COL5A2: variants seen among roughly 807,000 people sequenced by gnomAD.
COL5A2 encodes collagen alpha-2(V) chain.
Under a neutral mutation model 208.2 loss-of-function variants are expected in COL5A2, and 23 were observed. The observed-to-expected ratio is 0.11, with a 90% CI of 0.08 to 0.16. The LOEUF (loss-of-function observed/expected upper bound fraction) is 0.16, where lower values mean the gene tolerates loss of function less well. COL5A2 is among the 10% of genes least tolerant of loss of function. COL5A2 has a pLI of 1.00. For missense variants in COL5A2, 1,590 were observed against 1,956.4 expected, an observed-to-expected ratio of 0.81 and a Z score of 3.53; for synonymous variants, 625 against 628.5, an observed-to-expected ratio of 0.99 and a Z score of 0.08.
intron 1 of COL5A2, among the ~76,000 whole-genome samples, chr2:189,206,856 A>G (rs751633785): frequency 2.6e-5 from 4 of 152,220 alleles, no homozygotes; most frequent in Non-Finnish European, 4.4e-5. Flanking sequence ...AGGTACTCTG[A>G]TAATTTGTTT....
the COL5A2 span, among the ~76,000 whole-genome samples, chr2:189,385,896 C>T: frequency 6.6e-6 from 1 of 152,140 alleles, no homozygotes; most frequent in Admixed American, 6.5e-5. Context: ...ATACCTGAGA[C>T]TGGGTAATTT....
chr2:189,079,099 A>G lies in COL5A2; in HGVS notation c.969T>C (p.Ala323=), dbSNP rs781515066. 2.5e-6 allele frequency: 4 copies of G among 1,612,678 alleles called. No individual in the cohort carries two copies. Among genetic ancestry groups the G allele is most frequent in the Admixed American group, 3.3e-5 (2 of 59,910 alleles). ...TGGCACCCATTGGACCAGTGGGGCC[A>G]GCTTCACCCTAAAAAAAAATGAGAA... ...EVGAPGSKGE[A]GPTGPMGAMG... is the part of the protein sequence containing the mutation. The change falls in exon 15 of 54, where the codon GCT becomes GCC. Residue 323 remains alanine (A), a synonymous_variant. Coordinates refer to ENST00000374866, the MANE Select transcript of COL5A2 (RefSeq NM_000393.5).
At chr2:189,409,064 T>C in the COL5A2 span, among the ~76,000 whole-genome samples, 20 of 152,174 alleles carry the variant, frequency 1.3e-4, no homozygotes, top group Admixed American at 1.3e-3. Context: ...TCTTTAGAGA[T>C]ATACTTTCTT....
intron 1 of COL5A2, among the ~76,000 whole-genome samples, chr2:189,222,930 C>G (rs1453663695): frequency 1.3e-5 from 2 of 152,140 alleles, no homozygotes; most frequent in African/African-American, 4.8e-5. Flanking sequence ...CTAATCTAGT[C>G]TCTTACGGTG....
At chr2:189,102,514 G>A (rs964538131) in intron 3 of COL5A2, among the ~76,000 whole-genome samples, 2 of 151,900 alleles carry the variant, frequency 1.3e-5, no homozygotes, top group South Asian at 2.1e-4. Flanking sequence ...ATGGAATAAT[G>A]GTCTGTCTAA....
chr2:189,354,239 TTC>T, the COL5A2 span, among the ~76,000 whole-genome samples: 1 of 152,218 alleles, frequency 6.6e-6, no homozygotes, highest in East Asian at 1.9e-4. Flanking sequence ...GCCTGAAATG[TTC>T]TTTTTCTGTT....
At chr2:189,417,307 T>G in the COL5A2 span, among the ~76,000 whole-genome samples, 1 of 152,176 alleles carries the variant, frequency 6.6e-6, no homozygotes, top group African/African-American at 2.4e-5. Context: ...TCTACCAACT[T>G]TGTCATATAT....
the COL5A2 span, among the ~76,000 whole-genome samples, chr2:189,254,723 C>G: frequency 2.0e-5 from 3 of 152,188 alleles, no homozygotes; most frequent in Non-Finnish European, 4.4e-5. Context: ...TGCCTGTCAC[C>G]AGGGGCCAAA....
At chr2:189,149,561 G>A (rs563698166) in intron 1 of COL5A2, among the ~76,000 whole-genome samples, 3 of 152,130 alleles carry the variant, frequency 2.0e-5, no homozygotes, top group East Asian at 3.9e-4. Context: ...TTTAAAAATC[G>A]ACTACACTAT....
At chr2:189,254,786 A>C in the COL5A2 span, among the ~76,000 whole-genome samples, 1 of 152,186 alleles carries the variant, frequency 6.6e-6, no homozygotes, top group Admixed American at 6.5e-5. Flanking sequence ...TGCCAGGAAA[A>C]CTGTGAATCA....
intron 1 of COL5A2, among the ~76,000 whole-genome samples, chr2:189,220,660 T>C (rs915822789): frequency 6.6e-6 from 1 of 152,110 alleles, no homozygotes; most frequent in African/African-American, 2.4e-5. Flanking sequence ...TTTAGAGGAA[T>C]CTGGAAAAAA....
the COL5A2 span, among the ~76,000 whole-genome samples, chr2:189,366,963 C>T: frequency 6.6e-6 from 1 of 152,146 alleles, no homozygotes; most frequent in Admixed American, 6.6e-5. Flanking sequence ...ACCAGAAACT[C>T]TCCCGAAGGC....
chr2:189,325,402 T>G, the COL5A2 span, among the ~76,000 whole-genome samples: 1 of 151,792 alleles, frequency 6.6e-6, no homozygotes, highest in Non-Finnish European at 1.5e-5. Context: ...TCCATGTTCC[T>G]TCTCCTCTGT....
the COL5A2 span, among the ~76,000 whole-genome samples, chr2:189,363,448 G>A: frequency 1.3e-5 from 2 of 151,646 alleles, no homozygotes; most frequent in African/African-American, 2.4e-5. Flanking sequence ...AATTAATGTG[G>A]CAAATTACTA....
intron 1 of COL5A2, among the ~76,000 whole-genome samples, chr2:189,173,950 T>C (rs553910293): frequency 2.4e-4 from 37 of 152,220 alleles, no homozygotes; most frequent in Non-Finnish European, 5.1e-4. Flanking sequence ...TTCAATGTTG[T>C]GATCTCAGAG....
Position 189,034,051 on chromosome 2 carries a change from C to G in COL5A2, c.*19G>C. On this transcript the variant is annotated 3_prime_UTR_variant, in exon 54 of 54. Transcript: ENST00000374866. Reference sequence around the variant, plus strand: ...GGTCATTGATGGTGGTGCTCATTGTCGATGTGTCTTGGCTTACTTTACACA... The same window carrying G: ...GGTCATTGATGGTGGTGCTCATTGTGGATGTGTCTTGGCTTACTTTACACA... 6.2e-7 allele frequency: 1 copy of G among 1,613,776 alleles called. No homozygotes were observed. The highest frequency in any genetic ancestry group is 8.5e-7 in the Non-Finnish European group (1 of 1,179,814).
At chr2:189,191,163 C>CCAAAAAAAAAAAAAAAAA (rs748055610) in intron 1 of COL5A2, among the ~76,000 whole-genome samples, 1 of 72,272 alleles carries the variant, frequency 1.4e-5, no homozygotes, top group Admixed American at 1.5e-4. Flanking sequence ...AAAAAACAAA[C>CCAAAAAAAAAAAAAAAAA]AAACAACAAA....
At chr2:189,251,488 C>A in the COL5A2 span, among the ~76,000 whole-genome samples, 77 of 152,260 alleles carry the variant, frequency 5.1e-4, no homozygotes, top group African/African-American at 1.8e-3. Flanking sequence ...AAAGAACCAT[C>A]GTGATGGGTT....
intron 3 of COL5A2, among the ~76,000 whole-genome samples, chr2:189,102,619 C>T (rs906328929): frequency 2.0e-5 from 3 of 151,872 alleles, no homozygotes; most frequent in African/African-American, 4.8e-5. Context: ...CATTTAATAC[C>T]ATGTGGACAT....
Sources: allele counts gnomAD v4.1 joint callset (sites outside exome capture counted in the v4.1 genomes callset), GRCh38; gene constraint gnomAD v4.1.1; transcripts MANE v1.5; gene names NCBI Gene and HGNC (gene_info 2026-07-23, HGNC 2026-07-21).